PCDH15: variants seen among roughly 807,000 people sequenced by gnomAD.
The protein encoded by PCDH15 is protocadherin related 15.
Under a neutral mutation model 178.5 loss-of-function variants are expected in PCDH15, and 129 were observed. That is an observed-to-expected ratio of 0.72 (90% CI 0.63 to 0.84). The LOEUF (loss-of-function observed/expected upper bound fraction) is 0.84, where lower values mean the gene tolerates loss of function less well. Among genes scored for constraint, PCDH15 ranks in the 40% least tolerant of loss-of-function variants. The pLI, the probability that PCDH15 is intolerant of heterozygous loss-of-function variation, is 0.00. For missense variants in PCDH15, 2,230 were observed against 2,099.9 expected (o/e 1.06, Z -1.21); for synonymous variants, 800 against 732.0 (o/e 1.09, Z -1.50).
At chr10:55,350,240 T>TG (rs1844877913) in intron 2 of PCDH15, among the ~76,000 whole-genome samples, 1 of 106,656 alleles carries the variant, frequency 9.4e-6, no homozygotes, top group Non-Finnish European at 1.9e-5. Context: ...TATATATATA[T>TG]ATATATATAT....
intron 2 of PCDH15, among the ~76,000 whole-genome samples, chr10:54,994,244 C>T (rs1156715446): frequency 3.3e-5 from 5 of 152,168 alleles, no homozygotes; most frequent in East Asian, 3.8e-4. Context: ...GACTCTCTGT[C>T]ATTTCTAATC....
intron 2 of PCDH15, among the ~76,000 whole-genome samples, chr10:55,437,699 G>A (rs1839075402): frequency 6.6e-6 from 1 of 152,102 alleles, no homozygotes; most frequent in African/African-American, 2.4e-5. Context: ...GTTTCTAACT[G>A]TAGCTGATCT....
chr10:54,794,789 A>C (rs1230847063), intron 1 of PCDH15, among the ~76,000 whole-genome samples: 6 of 151,880 alleles, frequency 4.0e-5, no homozygotes, highest in Non-Finnish European at 7.4e-5. Flanking sequence ...CAACACATCA[A>C]AGAAAGTAGG....
rs141392157 is a variant in PCDH15, at chr10:55,123,264, C to T, written c.-80+43312G>A. On this transcript the variant is annotated intron_variant, in intron 2 of 5. Transcript: ENST00000458638. ...AAGTTTTAAAATTATGGAGTACAAA[C>T]TAATAAAATAATAATTTACATACAT... Among the ~76,000 whole-genome samples, 29 of 151,934 alleles carry T rather than the reference C, an allele frequency of 1.9e-4. No homozygotes were observed. In the East Asian group the frequency reaches 4.3e-3, roughly 22 times the overall value.
intron 2 of PCDH15, among the ~76,000 whole-genome samples, chr10:54,982,887 C>G (rs1662744748): frequency 6.6e-6 from 1 of 152,086 alleles, no homozygotes; most frequent in East Asian, 1.9e-4. Flanking sequence ...CAAACCCAAT[C>G]TTCACAAAAC....
chr10:55,250,191 T>C (rs906692232), intron 1 of PCDH15, among the ~76,000 whole-genome samples: 5 of 152,140 alleles, frequency 3.3e-5, no homozygotes. Context: ...GAGTGCAGGC[T>C]GGAGTGCAGT....
chr10:55,128,950 G>T (rs1166174390), intron 2 of PCDH15, among the ~76,000 whole-genome samples: 1 of 151,924 alleles, frequency 6.6e-6, no homozygotes, highest in Admixed American at 6.6e-5. Context: ...GGACAGAAAG[G>T]ATTATCCACA....
intron 18 of PCDH15, among the ~76,000 whole-genome samples, chr10:54,059,123 A>G (rs2093961937): frequency 6.6e-6 from 1 of 152,170 alleles, no homozygotes; most frequent in South Asian, 2.1e-4. Context: ...CAACTTTTTC[A>G]GCTCCAGCCT....
intron 21 of PCDH15, among the ~76,000 whole-genome samples, chr10:53,965,830 GTTAA>G (rs2088952567): frequency 6.6e-6 from 1 of 150,980 alleles, no homozygotes; most frequent in Non-Finnish European, 1.5e-5. Flanking sequence ...CATAAAATAA[GTTAA>G]TTATACTTAG....
At chr10:54,232,927 T>TC (rs2054226238) in intron 9 of PCDH15, among the ~76,000 whole-genome samples, 1 of 146,120 alleles carries the variant, frequency 6.8e-6, no homozygotes, top group Non-Finnish European at 1.5e-5. Flanking sequence ...TTTCTTTCTT[T>TC]TTTTTTTTTT....
At chr10:54,498,522 G>T (rs2080342830) in intron 3 of PCDH15, among the ~76,000 whole-genome samples, 1 of 152,008 alleles carries the variant, frequency 6.6e-6, no homozygotes, top group Non-Finnish European at 1.5e-5. Flanking sequence ...AAGACCTAAT[G>T]GTATGCTATC....
chr10:54,066,947 G>A, intron 17 of PCDH15, 62 bp from the exon 18 acceptor site: 1 of 1,533,146 alleles, frequency 6.5e-7, no homozygotes, highest in East Asian at 2.3e-5. Context: ...ATTCATTTAA[G>A]TAGTCATTCT....
Position 55,541,886 on chromosome 10 carries a change from CA to C in PCDH15, c.-156+85738del, listed in dbSNP as rs372308748. ...CAGAAGCAGCGATTTGTGATTTGTC[CA>C]AACCATAAGAAAGAAAGTTTCTACT... On this transcript the variant is annotated intron_variant, in intron 2 of 5. Coordinates refer to the PCDH15 transcript ENST00000613346. Among the ~76,000 whole-genome samples, 43 of 151,788 alleles carry C rather than the reference CA, an allele frequency of 2.8e-4. No individual in the cohort carries two copies. In the South Asian group the frequency reaches 8.1e-3, roughly 29 times the overall value.
At chr10:53,883,292 G>A (rs2080865189) in intron 26 of PCDH15, among the ~76,000 whole-genome samples, 1 of 152,072 alleles carries the variant, frequency 6.6e-6, no homozygotes, top group Non-Finnish European at 1.5e-5. Context: ...TCATTAGCCA[G>A]CCATTAAGAA....
chr10:54,749,846 G>A (rs950758690), intron 1 of PCDH15, among the ~76,000 whole-genome samples: 1 of 152,092 alleles, frequency 6.6e-6, no homozygotes, highest in Non-Finnish European at 1.5e-5. Flanking sequence ...TGACTACTCA[G>A]CCTGCTCTGT....
chr10:54,519,316 T>C (rs908053461), intron 3 of PCDH15, among the ~76,000 whole-genome samples: 6 of 152,212 alleles, frequency 3.9e-5, no homozygotes, highest in South Asian at 2.1e-4. Flanking sequence ...GAAAACCCCA[T>C]TGTCTCAGCC....
intron 3 of PCDH15, among the ~76,000 whole-genome samples, chr10:54,495,454 A>G (rs186125430): frequency 4.3e-3 from 658 of 152,298 alleles, no homozygotes; most frequent in Non-Finnish European, 7.0e-3. Flanking sequence ...CACGTTTTAC[A>G]TAGAACTCGA....
intron 3 of PCDH15, among the ~76,000 whole-genome samples, chr10:54,882,241 G>A (rs1262643622): frequency 6.6e-6 from 1 of 151,990 alleles, no homozygotes; most frequent in Non-Finnish European, 1.5e-5. Flanking sequence ...GATACAGTAA[G>A]CAATTGTTTT....
chr10:55,134,384 A>G (rs894998264), intron 2 of PCDH15, among the ~76,000 whole-genome samples: 1 of 152,160 alleles, frequency 6.6e-6, no homozygotes. Flanking sequence ...TACCCACTTC[A>G]GATCCCACAT....
Sources: gnomAD v4.1 joint callset for allele counts (sites outside exome capture counted in the v4.1 genomes callset) on GRCh38, gnomAD v4.1.1 for gene constraint, MANE v1.5 for transcripts, NCBI Gene and HGNC (gene_info 2026-07-23, HGNC 2026-07-21) for gene names.